Variants in ZNRF1 observed in about 807,000 individuals in gnomAD.
ZNRF1 encodes E3 ubiquitin-protein ligase ZNRF1.
In ZNRF1, 3 loss-of-function variants were observed where a neutral mutation model predicts 18.4. The observed-to-expected ratio is 0.16, with a 90% confidence interval of 0.07 to 0.42. ZNRF1 has a LOEUF of 0.42. Ranked by LOEUF, ZNRF1 falls within the 10% of genes least tolerant of loss-of-function variation. The pLI is 0.99. For synonymous variants in ZNRF1, 157 were observed against 144.2 expected, an observed-to-expected ratio of 1.09 and a Z score of -0.64; for missense variants, 310 against 329.8, an observed-to-expected ratio of 0.94 and a Z score of 0.47.
intron 1 of ZNRF1, among the ~76,000 whole-genome samples, chr16:75,011,907 T>C (rs1044649207): frequency 2.6e-5 from 4 of 152,230 alleles, no homozygotes; most frequent in African/African-American, 9.6e-5. Context: ...AATAGTATTA[T>C]GAGCTGTTCT....
At chr16:75,014,797 A>G (rs1299094866) in intron 1 of ZNRF1, among the ~76,000 whole-genome samples, 1 of 152,128 alleles carries the variant, frequency 6.6e-6, no homozygotes, top group African/African-American at 2.4e-5. Context: ...CCTTGCCAAA[A>G]TTTGATATTG....
intron 1 of ZNRF1, among the ~76,000 whole-genome samples, chr16:75,017,663 A>G (rs191128405): frequency 1.1e-4 from 16 of 152,318 alleles, no homozygotes; most frequent in Admixed American, 1.3e-4. Context: ...GATCTCCTTT[A>G]ATCATTGTTG....
Position 75,107,921 on chromosome 16 carries a change from C to G in ZNRF1, c.*221C>G. 2.5e-6 allele frequency: 1 copy of G among 405,734 alleles called. No homozygotes were observed. The highest frequency in any genetic ancestry group is 7.4e-5 in the East Asian group (1 of 13,496). The allele number at this position is 405,734 out of a possible 1,614,324, so 25.1% of individuals were successfully genotyped here. A position where few individuals can be genotyped will look rare whatever the true frequency, so the allele number is the denominator to read the frequency against. On this transcript the variant is annotated 3_prime_UTR_variant, in exon 5 of 5. Coordinates refer to ENST00000335325, the MANE Select transcript of ZNRF1 (RefSeq NM_032268.5). ...AAGAATGAATCAACTGCTATCCTTC[C>G]CCTCACCCCTCAGCCCAGGAGGGAA... is the stretch of plus-strand genomic sequence containing the variant.
At chr16:75,093,222 T>C (rs1026391237) in intron 1 of ZNRF1, among the ~76,000 whole-genome samples, 1 of 151,958 alleles carries the variant, frequency 6.6e-6, no homozygotes, top group African/African-American at 2.4e-5. Flanking sequence ...CCCTCTCTAC[T>C]AAAAATACAA....
chr16:75,032,104 G>GTTTTT (rs1162819265), intron 1 of ZNRF1, among the ~76,000 whole-genome samples: 95 of 108,606 alleles, frequency 8.7e-4, no homozygotes, highest in Non-Finnish European at 1.1e-3. Flanking sequence ...TTCTTGTGAG[G>GTTTTT]TTTTTTTTTT....
Position 75,085,815 on chromosome 16 carries a change from A to AGAGAGAGAGAGT in ZNRF1, c.425-7754_425-7753insAGAGAGAGTGAG, listed in dbSNP as rs889805907. 5.2e-4 allele frequency among the ~76,000 whole-genome samples: 76 copies of AGAGAGAGAGAGT among 146,816 alleles called. 3 individuals carry two copies. The South Asian group carries it at 0.01, about 20-fold the overall frequency. On this transcript the variant is annotated intron_variant, in intron 1 of 4. Transcript: ENST00000335325. ...GTGAGAGAGAGAGAGAGAGAGAGAG[A>AGAGAGAGAGAGT]GAGTGAGTGTGTGTGTGTGTGTGTG...
chr16:75,083,572 G>T (rs533586612), intron 1 of ZNRF1, among the ~76,000 whole-genome samples: 1 of 152,280 alleles, frequency 6.6e-6, no homozygotes, highest in Non-Finnish European at 1.5e-5. Flanking sequence ...AAGTGGCTAG[G>T]CACAGTATTA....
chr16:75,080,865 C>A (rs568469888), intron 1 of ZNRF1, among the ~76,000 whole-genome samples: 3 of 151,996 alleles, frequency 2.0e-5, no homozygotes, highest in African/African-American at 7.2e-5. Context: ...CAGAGAGAGA[C>A]CCTGTCTCTT....
At chr16:75,021,642 A>G (rs1235109581) in intron 1 of ZNRF1, among the ~76,000 whole-genome samples, 1 of 152,156 alleles carries the variant, frequency 6.6e-6, no homozygotes, top group East Asian at 1.9e-4. Context: ...CAGCAATTAG[A>G]TGATGTTATT....
intron 1 of ZNRF1, among the ~76,000 whole-genome samples, chr16:75,052,410 A>G (rs898441696): frequency 7.9e-5 from 12 of 152,048 alleles, no homozygotes; most frequent in Non-Finnish European, 1.8e-4. Context: ...CAAAAAAAAA[A>G]AAAAGAAAAG....
chr16:75,106,281 G>C (rs1462464212), intron 3 of ZNRF1: 2 of 582,880 alleles, frequency 3.4e-6, no homozygotes, highest in Admixed American at 2.9e-5. Flanking sequence ...GCCTCCACCT[G>C]GGCCAAGACT....
intron 1 of ZNRF1, among the ~76,000 whole-genome samples, chr16:75,036,207 A>T (rs548011182): frequency 2.6e-5 from 4 of 152,182 alleles, no homozygotes; most frequent in Non-Finnish European, 5.9e-5. Context: ...GGTAGCTGGG[A>T]TCACAGGCAT....
At chr16:75,040,142 T>C (rs2035425920) in intron 1 of ZNRF1, among the ~76,000 whole-genome samples, 1 of 144,518 alleles carries the variant, frequency 6.9e-6, no homozygotes, top group Non-Finnish European at 1.5e-5. Context: ...CCTTCTAGGC[T>C]CAAGGGATCC....
chr16:75,050,158 T>C (rs1332735467), intron 1 of ZNRF1, among the ~76,000 whole-genome samples: 3 of 152,196 alleles, frequency 2.0e-5, no homozygotes, highest in Non-Finnish European at 4.4e-5. Context: ...CAATAGTCTA[T>C]TCCTTTTTAT....
chr16:75,081,144 G>T (rs1404437092), intron 1 of ZNRF1, among the ~76,000 whole-genome samples: 2 of 149,700 alleles, frequency 1.3e-5, no homozygotes, highest in Non-Finnish European at 3.0e-5. Context: ...CTGCACTCCA[G>T]CCTGGGGGAC....
intron 1 of ZNRF1, among the ~76,000 whole-genome samples, chr16:75,063,310 G>A (rs1479798971): frequency 1.3e-5 from 2 of 152,162 alleles, no homozygotes. Flanking sequence ...AGGGAGGCCC[G>A]AGCAGACCCT....
chr16:75,054,411 C>G (rs1162558061), intron 1 of ZNRF1, among the ~76,000 whole-genome samples: 1 of 152,214 alleles, frequency 6.6e-6, no homozygotes, highest in East Asian at 1.9e-4. Context: ...GTTCTGTCTG[C>G]TTTGTTGACT....
At chr16:75,039,994 T>C (rs1462825189) in intron 1 of ZNRF1, among the ~76,000 whole-genome samples, 7 of 151,694 alleles carry the variant, frequency 4.6e-5, no homozygotes, top group African/African-American at 1.2e-4. Context: ...TTAGTAAATA[T>C]ATAGTTATGA....
At position 75,106,521 on chromosome 16, in the gene ZNRF1, G is replaced by T; in HGVS notation, c.666G>T (p.Pro222=). Residue 222 remains proline (P), a synonymous_variant, in exon 4 of 5, where the codon CCG becomes CCT. Transcript: ENST00000335325. ...GGTTTGAAGTGAACAGATCTTGTCCGGAACACCCTGCGGACTGACCTGCGG... is the reference window on the plus strand; with the variant it reads ...GGTTTGAAGTGAACAGATCTTGTCCTGAACACCCTGCGGACTGACCTGCGG... ...DSWFEVNRSC[P]EHPAD 1 of 1,614,080 alleles carries T rather than the reference G, an allele frequency of 6.2e-7. No individual in the cohort carries two copies. The highest frequency in any genetic ancestry group is 1.1e-5 in the South Asian group (1 of 91,082).
Sources: gnomAD v4.1 joint callset for allele counts (sites outside exome capture counted in the v4.1 genomes callset) on GRCh38, gnomAD v4.1.1 for gene constraint, MANE v1.5 for transcripts, NCBI Gene and HGNC (gene_info 2026-07-23, HGNC 2026-07-21) for gene names.